The following CEP128 variants were observed in gnomAD, a reference collection of about 807,000 sequenced individuals.
CEP128 encodes the protein centrosomal protein 128kDa.
A neutral mutation model predicts 156.7 loss-of-function variants in CEP128; 132 were observed. The ratio of observed to expected loss-of-function variants is 0.84; its 90% confidence interval spans 0.73 to 0.97. CEP128 has a LOEUF of 0.97. Among genes scored for constraint, CEP128 ranks in the 50% least tolerant of loss-of-function variants. The pLI is 0.00. For synonymous variants in CEP128, 469 were observed against 448.9 expected, an observed-to-expected ratio of 1.04 and a Z score of -0.57; for missense variants, 1,252 against 1,281.9, an observed-to-expected ratio of 0.98 and a Z score of 0.36.
chr14:80,902,387 T>C (rs896349266), intron 6 of CEP128, among the ~76,000 whole-genome samples: 1 of 152,128 alleles, frequency 6.6e-6, no homozygotes, highest in African/African-American at 2.4e-5. Flanking sequence ...GGTGCAACTA[T>C]CAAAAAAATA....
At chr14:80,900,244 A>G (rs1883467816) in intron 6 of CEP128, among the ~76,000 whole-genome samples, 2 of 152,352 alleles carry the variant, frequency 1.3e-5, no homozygotes, top group Non-Finnish European at 2.9e-5. Flanking sequence ...CATTTTCTAC[A>G]GTACAATTCT....
chr14:80,838,037 T>C (rs1886170264), intron 11 of CEP128, among the ~76,000 whole-genome samples, 167 bp downstream of exon 11: 2 of 152,228 alleles, frequency 1.3e-5, no homozygotes, highest in South Asian at 4.1e-4. Context: ...TCTCTGAATT[T>C]CCCTGAAAGA....
intron 23 of CEP128, among the ~76,000 whole-genome samples, chr14:80,509,386 C>G (rs537870283): frequency 1.3e-5 from 2 of 152,242 alleles, no homozygotes; most frequent in South Asian, 2.1e-4. Flanking sequence ...TTACATTTCT[C>G]AATGATCTTG....
intron 8 of CEP128, among the ~76,000 whole-genome samples, chr14:80,878,678 G>A (rs542948575): frequency 2.6e-5 from 4 of 152,238 alleles, no homozygotes; most frequent in African/African-American, 9.6e-5. Context: ...GCTCCCATGG[G>A]TAAGAACCAC....
At position 80,580,429 on chromosome 14, in the gene CEP128, A is replaced by AT. The variant is rs749344308; in HGVS notation, c.2807-7dup. ...TTGGGTCTCTTCCAGTAGATCTGTAATAAGAAAGTAAAATACCCATCAAAA... is the reference window on the plus strand; with the variant it reads ...TTGGGTCTCTTCCAGTAGATCTGTAATTAAGAAAGTAAAATACCCATCAAAA... On this transcript the variant is annotated splice_region_variant and splice_polypyrimidine_tract_variant and intron_variant, in intron 19 of 24. Transcript: ENST00000555265. The AT allele has an allele frequency of 6.3e-7, 1 of 1,577,338 alleles. No individual in the cohort carries two copies. Among genetic ancestry groups the AT allele is most frequent in the Non-Finnish European group, 8.7e-7 (1 of 1,149,744 alleles).
At chr14:80,744,949 T>C (rs1446570927) in intron 18 of CEP128, among the ~76,000 whole-genome samples, 1 of 152,192 alleles carries the variant, frequency 6.6e-6, no homozygotes, top group African/African-American at 2.4e-5. Flanking sequence ...GCCTGATGAA[T>C]ACAGATTTTC....
At chr14:80,823,524 G>A (rs1251858829) in intron 13 of CEP128, among the ~76,000 whole-genome samples, 5 of 151,998 alleles carry the variant, frequency 3.3e-5, no homozygotes, top group Non-Finnish European at 5.9e-5. Context: ...TACTGTTAAC[G>A]ACTGTCTGCC....
intron 23 of CEP128, among the ~76,000 whole-genome samples, chr14:80,512,641 GTT>G (rs1239884895): frequency 6.6e-6 from 1 of 151,788 alleles, no homozygotes; most frequent in Non-Finnish European, 1.5e-5. Context: ...TTCATTTTAT[GTT>G]TGTTTCCTGG....
chr14:80,617,881 A>G (rs1893293885), intron 19 of CEP128, among the ~76,000 whole-genome samples: 2 of 152,236 alleles, frequency 1.3e-5, no homozygotes, highest in African/African-American at 4.8e-5. Context: ...TGGTTAAACT[A>G]TAAGCTCTAT....
At chr14:80,838,400 T>C in intron 10 of CEP128, 122 bp from the exon 11 acceptor site, 1 of 635,018 alleles carries the variant, frequency 1.6e-6, no homozygotes. Context: ...ACAGCTAATA[T>C]AAAAGAATAA....
At chr14:80,517,174 T>C (rs1053477914) in intron 23 of CEP128, among the ~76,000 whole-genome samples, 2 of 152,140 alleles carry the variant, frequency 1.3e-5, no homozygotes, top group African/African-American at 4.8e-5. Context: ...TAATTCTTAT[T>C]GGTTTTTTCA....
At chr14:80,549,967 G>A (rs1330818068) in intron 21 of CEP128, among the ~76,000 whole-genome samples, 4 of 152,148 alleles carry the variant, frequency 2.6e-5, no homozygotes, top group East Asian at 1.9e-4. Flanking sequence ...AGACACATGG[G>A]CATCTTCTCA....
In CEP128 at chr14:80,505,775, A is replaced by G. The variant is rs1268290770; in HGVS notation, c.3073-755T>C. Among the ~76,000 whole-genome samples the G allele has an allele frequency of 1.2e-4, 18 of 152,338 alleles. No individual in the cohort carries two copies. The South Asian group carries it at 2.1e-3, about 18-fold the overall frequency. On this transcript the variant is annotated intron_variant, in intron 23 of 24. Transcript: ENST00000555265. ...ATACTTTCCTTTGATAAACAGTAAA[A>G]CTGTACTTTCTTCCCATGAACGCTT...
At chr14:80,828,350 T>C (rs1365346444) in intron 13 of CEP128, among the ~76,000 whole-genome samples, 2 of 152,128 alleles carry the variant, frequency 1.3e-5, no homozygotes, top group Non-Finnish European at 2.9e-5. Context: ...TTCGAACTCC[T>C]GACCTCAAGT....
rs1279457096 is a variant in CEP128, at chr14:80,656,279, TTATATATATATTTATATATATATA to T, written c.2807-75880_2807-75857del. Among the ~76,000 whole-genome samples the T allele has an allele frequency of 2.8e-3, 131 of 47,102 alleles. 6 individuals are homozygous for T. Among genetic ancestry groups the T allele is most frequent in the African/African-American group, 9.5e-3 (118 of 12,440 alleles). 30.9% of individuals were successfully genotyped at this position (47,102 alleles called of 152,430 possible). A position where few individuals can be genotyped will look rare whatever the true frequency, so the allele number is the denominator to read the frequency against. Reference sequence around the variant, plus strand: ...TTTCTCAATAAACCTAAGTTTTTATTTATATATATATTTATATATATATATATATATATATATATATATATATAT... The same window carrying T: ...TTTCTCAATAAACCTAAGTTTTTATTTATATATATATATATATATATATAT... On this transcript the variant is annotated intron_variant, in intron 19 of 24. Coordinates refer to ENST00000555265, the MANE Select transcript of CEP128 (RefSeq NM_152446.5).
At chr14:80,895,315 G>A (rs1040259383) in intron 8 of CEP128, among the ~76,000 whole-genome samples, 1 of 152,222 alleles carries the variant, frequency 6.6e-6, no homozygotes, top group Admixed American at 6.5e-5. Flanking sequence ...GAGATGACCT[G>A]AAAATGGGGA....
chr14:80,658,155 C>T (rs1895254353), intron 19 of CEP128, among the ~76,000 whole-genome samples: 1 of 152,040 alleles, frequency 6.6e-6, no homozygotes, highest in Non-Finnish European at 1.5e-5. Flanking sequence ...TTTAATTCAC[C>T]TAGTACAAGT....
At position 80,599,317 on chromosome 14, in the gene CEP128, G is replaced by A. The variant is rs566870302; in HGVS notation, c.2807-18894C>T. Among the ~76,000 whole-genome samples, 4 of 135,752 alleles carry A rather than the reference G, an allele frequency of 2.9e-5. No individual in the cohort carries two copies. The South Asian group carries it at 9.3e-4, about 32-fold the overall frequency. The allele number at this position is 135,752 out of a possible 152,430, so 89.1% of individuals were successfully genotyped here. The stretch of plus-strand genomic sequence containing the variant: ...AGACGGAGTCTCGCTCTGTCACCCA[G>A]GCTGGAGTGCAGCGGCTTGATCTCG... On this transcript the variant is annotated intron_variant, in intron 19 of 24. Transcript: ENST00000555265.
rs1886389598 is a variant in CEP128, at chr14:80,948,293, T to C, written c.-171-8753A>G. ...GTATTGCAGGGATAATATTGCCTAC[T>C]ACTCAAAGAATCATCTTTAGCCATT... On this transcript the variant is annotated intron_variant, in intron 2 of 7. Transcript: ENST00000555529. 2.6e-5 allele frequency among the ~76,000 whole-genome samples: 4 copies of C among 152,358 alleles called. No individual in the cohort carries two copies. The South Asian group carries it at 8.3e-4, about 32-fold the overall frequency.
Sources: allele counts gnomAD v4.1 joint callset (sites outside exome capture counted in the v4.1 genomes callset), GRCh38; gene constraint gnomAD v4.1.1; transcripts MANE v1.5; gene names NCBI Gene and HGNC (gene_info 2026-07-23, HGNC 2026-07-21).